Variants in RNF115 observed in about 807,000 individuals in gnomAD.
RNF115 encodes ring finger protein 115, also known as E3 ubiquitin-protein ligase RNF115.
RNF115 carries 31 observed loss-of-function variants against 39.2 expected under a neutral mutation model. The ratio of observed to expected loss-of-function variants is 0.79; its 90% CI spans 0.59 to 1.07. The LOEUF is 1.07. Among genes scored for constraint, RNF115 ranks in the 50% least tolerant of loss-of-function variants. The pLI is 0.00. For synonymous variants in RNF115, 124 were observed against 131.0 expected, an observed-to-expected ratio of 0.95 and a Z score of 0.37; for missense variants, 384 against 381.7, an observed-to-expected ratio of 1.01 and a Z score of -0.05.
intron 3 of RNF115, 73 bp from the exon 4 acceptor site, chr1:145,771,992 T>C: frequency 1.6e-6 from 2 of 1,240,946 alleles, no homozygotes; most frequent in East Asian, 2.3e-5. Context: ...TACAGTTTTT[T>C]ATATTACAAA....
chr1:145,768,229 T>C (rs587734200), intron 4 of RNF115, among the ~76,000 whole-genome samples: 1 of 152,360 alleles, frequency 6.6e-6, no homozygotes, highest in South Asian at 2.1e-4. Flanking sequence ...GAGATGCCCC[T>C]TGGAGGCCTC....
chr1:145,783,595 G>C (rs1268760558), intron 3 of RNF115, among the ~76,000 whole-genome samples: 11 of 152,092 alleles, frequency 7.2e-5, no homozygotes, highest in African/African-American at 2.7e-4. Flanking sequence ...AAAACATAAA[G>C]AAATCCTGAT....
intron 4 of RNF115, among the ~76,000 whole-genome samples, chr1:145,762,863 C>T (rs1571720077): frequency 6.6e-6 from 1 of 152,124 alleles, no homozygotes; most frequent in Non-Finnish European, 1.5e-5. Flanking sequence ...TTTGCAGCAA[C>T]ATGAATATAG....
intron 1 of RNF115, 106 bp downstream of exon 1, chr1:145,823,666 G>T: frequency 1.1e-6 from 1 of 935,048 alleles, no homozygotes; most frequent in Non-Finnish European, 1.5e-6. Context: ...TCGGCAGACC[G>T]ATGTCGGGCG....
chr1:145,793,326 TAAC>T (rs1214978703), intron 1 of RNF115, among the ~76,000 whole-genome samples: 1 of 152,120 alleles, frequency 6.6e-6, no homozygotes, highest in Non-Finnish European at 1.5e-5. Flanking sequence ...CAAAAAATAA[TAAC>T]AATAATATAT....
At chr1:145,796,220 T>C (rs1165664558) in intron 1 of RNF115, among the ~76,000 whole-genome samples, 3 of 152,234 alleles carry the variant, frequency 2.0e-5, no homozygotes, top group African/African-American at 4.8e-5. Flanking sequence ...TTTCCAGCTA[T>C]GTTAAGGGTC....
At position 145,779,980 on chromosome 1, in the gene RNF115, C is replaced by T. The variant is rs782206513; in HGVS notation, c.219+4559G>A. ...CGGTGACTCAAGCCCGTAATCCCAG[C>T]ACTCTGGGAGGCCAAGACGAGAGGA... On this transcript the variant is annotated intron_variant, in intron 3 of 8. Transcript: ENST00000582693. Among the ~76,000 whole-genome samples, 11 of 152,198 alleles carry T rather than the reference C, an allele frequency of 7.2e-5. No individual in the cohort carries two copies. The South Asian group carries it at 1.0e-3, about 14-fold the overall frequency.
At chr1:145,807,314 T>A (rs985615599) in intron 1 of RNF115, among the ~76,000 whole-genome samples, 3 of 152,184 alleles carry the variant, frequency 2.0e-5, no homozygotes, top group African/African-American at 7.2e-5. Flanking sequence ...GAGATAGACC[T>A]ATATTATACT....
At chr1:145,797,132 C>T (rs1553720214) in intron 1 of RNF115, among the ~76,000 whole-genome samples, 5 of 152,154 alleles carry the variant, frequency 3.3e-5, no homozygotes. Flanking sequence ...CCTCCTGCTT[C>T]CTGTTGACCA....
chr1:145,773,170 T>A (rs1164249276), intron 3 of RNF115: 1 of 152,224 alleles, frequency 6.6e-6, no homozygotes, highest in Non-Finnish European at 1.5e-5. Flanking sequence ...GACAGCTGAT[T>A]TAAAGTTTTT....
chr1:145,760,958 A>G (rs1319996009), intron 4 of RNF115, among the ~76,000 whole-genome samples: 1 of 152,156 alleles, frequency 6.6e-6, no homozygotes, highest in Non-Finnish European at 1.5e-5. Flanking sequence ...TCTCAGATGG[A>G]GATAAGAAAC....
chr1:145,780,925 T>G (rs1177375919), intron 3 of RNF115, among the ~76,000 whole-genome samples: 1 of 152,106 alleles, frequency 6.6e-6, no homozygotes, highest in African/African-American at 2.4e-5. Context: ...GGTCAGAAGT[T>G]TGCAAGTAAT....
At position 145,774,091 on chromosome 1, in the gene RNF115, T is replaced by C. The variant is rs587671929; in HGVS notation, c.220-2172A>G. 3.0e-3 allele frequency among the ~76,000 whole-genome samples: 457 copies of C among 152,330 alleles called. 2 individuals carry two copies. The highest frequency in any genetic ancestry group is 4.4e-3 in the Non-Finnish European group (297 of 68,020). On this transcript the variant is annotated intron_variant, in intron 3 of 8. Transcript: ENST00000582693. ...AACCTTTGATTACCTTTCCAGAGTTTTGATAAGCTAAATTCTGACTTTTCT... is the reference window on the plus strand; with the variant it reads ...AACCTTTGATTACCTTTCCAGAGTTCTGATAAGCTAAATTCTGACTTTTCT...
intron 4 of RNF115, among the ~76,000 whole-genome samples, chr1:145,756,773 C>A (rs1658308727): frequency 6.7e-6 from 1 of 149,388 alleles, no homozygotes; most frequent in Admixed American, 6.7e-5. Context: ...ACAACCTCTG[C>A]CTCTGTCATC....
At chr1:145,801,161 C>T (rs140478219) in intron 1 of RNF115, among the ~76,000 whole-genome samples, 130 of 151,870 alleles carry the variant, frequency 8.6e-4, no homozygotes, top group African/African-American at 3.1e-3. Context: ...CAGCGCAGAG[C>T]GCACAGCAAG....
At chr1:145,789,450 G>A (rs1319251419) in intron 1 of RNF115, among the ~76,000 whole-genome samples, 4 of 151,316 alleles carry the variant, frequency 2.6e-5, no homozygotes, top group Non-Finnish European at 4.4e-5. Flanking sequence ...CCAGGCTGGA[G>A]TGCAATGGCA....
chr1:145,787,491 G>C (rs1027274590), intron 2 of RNF115, among the ~76,000 whole-genome samples: 2 of 145,178 alleles, frequency 1.4e-5, no homozygotes, highest in African/African-American at 5.1e-5. Flanking sequence ...AGAATCACTT[G>C]AACCTGGGAG....
intron 3 of RNF115, among the ~76,000 whole-genome samples, chr1:145,783,713 C>CA (rs1463864579): frequency 6.6e-6 from 1 of 151,918 alleles, no homozygotes; most frequent in East Asian, 1.9e-4. Context: ...AGAAAAACGT[C>CA]AGTGTTTTTT....
At position 145,741,155 on chromosome 1, in the gene RNF115, T is replaced by C. The variant is rs1657681037; in HGVS notation, c.*5711A>G. 2 of 152,152 alleles carry C rather than the reference T, an allele frequency of 1.3e-5. No individual in the cohort carries two copies. The highest frequency in any genetic ancestry group is 4.8e-5 in the African/African-American group (2 of 41,440). 9.4% of individuals were successfully genotyped at this position (152,152 alleles called of 1,614,324 possible). ...GCCCAGCCAAGAATCTAATAATTTT[T>C]GGATCTTGAAAATTGTATTTCTTAT... On this transcript the variant is annotated 3_prime_UTR_variant, in exon 9 of 9. Coordinates refer to ENST00000582693, the MANE Select transcript of RNF115 (RefSeq NM_014455.4).
Sources: gnomAD v4.1 joint callset for allele counts (sites outside exome capture counted in the v4.1 genomes callset) on GRCh38, gnomAD v4.1.1 for gene constraint, MANE v1.5 for transcripts, NCBI Gene and HGNC (gene_info 2026-07-23, HGNC 2026-07-21) for gene names.